The following LHFPL3 variants were observed in gnomAD, a reference collection of about 807,000 sequenced individuals.
LHFPL3 encodes the protein LHFPL tetraspan subfamily member 3, also known as LHFPL tetraspan subfamily member 3 protein.
A neutral mutation model predicts 19.3 loss-of-function variants in LHFPL3; 5 were observed. The observed-to-expected ratio is 0.26, with a 90% CI of 0.14 to 0.54. The LOEUF (loss-of-function observed/expected upper bound fraction) is 0.54, where lower values mean the gene tolerates loss of function less well. LHFPL3 is among the 20% of genes least tolerant of loss of function. The pLI, the probability that LHFPL3 is intolerant of heterozygous loss-of-function variation, is 0.94. For synonymous variants in LHFPL3, 133 were observed against 126.2 expected (o/e 1.05, Z -0.36); for missense variants, 249 against 307.4 (o/e 0.81, Z 1.42).
chr7:104,817,604 A>G (rs1193718991), intron 2 of LHFPL3, among the ~76,000 whole-genome samples: 1 of 152,148 alleles, frequency 6.6e-6, no homozygotes, highest in Non-Finnish European at 1.5e-5. Context: ...CAAAAACAAC[A>G]TCTATGCTTC....
chr7:104,562,993 C>CG (rs1379550426), intron 1 of LHFPL3, among the ~76,000 whole-genome samples: 6 of 151,086 alleles, frequency 4.0e-5, no homozygotes, highest in African/African-American at 1.5e-4. Flanking sequence ...TTAGGCTGCT[C>CG]GGGGGTCAGG....
intron 1 of LHFPL3, among the ~76,000 whole-genome samples, chr7:104,707,824 A>C (rs1793220781): frequency 6.6e-6 from 1 of 152,236 alleles, no homozygotes; most frequent in Admixed American, 6.5e-5. Flanking sequence ...TTAGAGGAGA[A>C]GAGATACGTG....
intron 1 of LHFPL3, among the ~76,000 whole-genome samples, chr7:104,362,897 G>A (rs891648065): frequency 6.6e-6 from 1 of 152,178 alleles, no homozygotes; most frequent in African/African-American, 2.4e-5. Flanking sequence ...AACCAGATGA[G>A]CAAGTTTACT....
chr7:104,838,371 C>G (rs923087161), intron 2 of LHFPL3, among the ~76,000 whole-genome samples: 1 of 152,200 alleles, frequency 6.6e-6, no homozygotes, highest in African/African-American at 2.4e-5. Flanking sequence ...TTGAGAAGAG[C>G]TACCACTGTA....
chr7:104,829,334 TTAATTA>T (rs1790889313), intron 2 of LHFPL3, among the ~76,000 whole-genome samples: 1 of 151,866 alleles, frequency 6.6e-6, no homozygotes, highest in East Asian at 1.9e-4. Flanking sequence ...GCTTTTTTTT[TTAATTA>T]TTATTATACT....
intron 1 of LHFPL3, among the ~76,000 whole-genome samples, chr7:104,605,312 T>C (rs545164648): frequency 1.6e-4 from 24 of 152,144 alleles, no homozygotes; most frequent in African/African-American, 5.8e-4. Flanking sequence ...TACTAATGAA[T>C]AGAAAAAAAA....
chr7:104,332,218 C>CTTTT (rs1562866567), intron 1 of LHFPL3, among the ~76,000 whole-genome samples: 2 of 95,894 alleles, frequency 2.1e-5, no homozygotes, highest in East Asian at 6.9e-4. Context: ...AATCCTATTT[C>CTTTT]TTTTCTTTTT....
chr7:104,842,600 C>G (rs1368975980), intron 2 of LHFPL3, among the ~76,000 whole-genome samples: 2 of 152,196 alleles, frequency 1.3e-5, no homozygotes, highest in Non-Finnish European at 2.9e-5. Flanking sequence ...AAAAGCGTAA[C>G]TGCCTCTATC....
intron 2 of LHFPL3, chr7:104,826,208 T>C (rs1790814837): frequency 6.6e-6 from 1 of 152,334 alleles, no homozygotes; most frequent in Non-Finnish European, 1.5e-5. Context: ...AAACCTTTCA[T>C]ATCACCACAG....
chr7:104,476,571 C>T (rs1243693638), intron 1 of LHFPL3, among the ~76,000 whole-genome samples: 5 of 152,090 alleles, frequency 3.3e-5, no homozygotes, highest in Non-Finnish European at 7.4e-5. Flanking sequence ...AGCGATTCTC[C>T]TGCCTCAGCC....
intron 1 of LHFPL3, among the ~76,000 whole-genome samples, chr7:104,440,969 G>A (rs1792214332): frequency 6.6e-6 from 1 of 151,970 alleles, no homozygotes; most frequent in Non-Finnish European, 1.5e-5. Flanking sequence ...CCACAATCAA[G>A]GTAATAAATT....
intron 2 of LHFPL3, among the ~76,000 whole-genome samples, chr7:104,854,238 A>C (rs1303445703): frequency 6.6e-6 from 1 of 151,574 alleles, no homozygotes; most frequent in Non-Finnish European, 1.5e-5. Flanking sequence ...AGTTAGAGGG[A>C]GGTGACCAGG....
At chr7:104,595,109 G>A (rs1790817213) in intron 1 of LHFPL3, among the ~76,000 whole-genome samples, 1 of 152,192 alleles carries the variant, frequency 6.6e-6, no homozygotes, top group Non-Finnish European at 1.5e-5. Flanking sequence ...ACCTTTCGAG[G>A]AGAAGAGGCA....
intron 1 of LHFPL3, among the ~76,000 whole-genome samples, chr7:104,640,948 C>T (rs775348370): frequency 5.9e-5 from 9 of 152,128 alleles, no homozygotes; most frequent in Non-Finnish European, 1.0e-4. Context: ...GATTTTGAAA[C>T]GTATTACATG....
chr7:104,810,018 A>C (rs1034291612), intron 2 of LHFPL3, among the ~76,000 whole-genome samples: 1 of 152,238 alleles, frequency 6.6e-6, no homozygotes, highest in African/African-American at 2.4e-5. Flanking sequence ...TGGGTTATGC[A>C]AAGCTTCTTG....
chr7:104,383,679 CT>C (rs914432909), intron 1 of LHFPL3, among the ~76,000 whole-genome samples: 2 of 151,936 alleles, frequency 1.3e-5, no homozygotes, highest in African/African-American at 4.8e-5. Context: ...GTTTGCTACT[CT>C]TTTTTTTAAC....
chr7:104,582,262 C>G (rs1385813349), intron 1 of LHFPL3, among the ~76,000 whole-genome samples: 1 of 150,954 alleles, frequency 6.6e-6, no homozygotes, highest in African/African-American at 2.4e-5. Context: ...TTTTATTTTC[C>G]AATTGTTTGC....
chr7:104,771,461 T>G (rs947232076), intron 2 of LHFPL3, among the ~76,000 whole-genome samples: 1 of 152,134 alleles, frequency 6.6e-6, no homozygotes, highest in East Asian at 1.9e-4. Flanking sequence ...TACTGGAAAA[T>G]GCTGCCATTT....
intron 2 of LHFPL3, among the ~76,000 whole-genome samples, chr7:104,894,099 C>G (rs956585966): frequency 6.6e-6 from 1 of 152,106 alleles, no homozygotes; most frequent in Non-Finnish European, 1.5e-5. Flanking sequence ...GGGGTTAAAT[C>G]TAAGTAAAAC....
Sources: allele counts gnomAD v4.1 joint callset (sites outside exome capture counted in the v4.1 genomes callset), GRCh38; gene constraint gnomAD v4.1.1; transcripts MANE v1.5; gene names NCBI Gene and HGNC (gene_info 2026-07-23, HGNC 2026-07-21).